KTN1: variants seen among roughly 807,000 people sequenced by gnomAD.
KTN1 encodes kinectin 1, also known as kinectin.
Under a neutral mutation model 222.5 loss-of-function variants are expected in KTN1, and 130 were observed. That is an observed-to-expected ratio of 0.58 (90% CI 0.51 to 0.68). The LOEUF is 0.68. Ranked by LOEUF, KTN1 falls within the 30% of genes least tolerant of loss-of-function variation. KTN1 has a pLI of 0.00. For missense variants in KTN1, 1,508 were observed against 1,500.4 expected (o/e 1.01, Z -0.08); for synonymous variants, 512 against 496.3 (o/e 1.03, Z -0.42).
intron 5 of KTN1, among the ~76,000 whole-genome samples, chr14:55,622,490 T>G (rs2039289004): frequency 6.6e-6 from 1 of 152,228 alleles, no homozygotes. Context: ...TATGTCATAC[T>G]GGGAAAGGTG....
chr14:55,628,109 A>G, intron 6 of KTN1, 81 bp downstream of exon 6: 1 of 847,720 alleles, frequency 1.2e-6, no homozygotes, highest in African/African-American at 1.7e-5. Flanking sequence ...CATAATCAGT[A>G]GTTTAATTAT....
chr14:55,647,555 C>A (rs1478996508), intron 19 of KTN1, among the ~76,000 whole-genome samples: 1 of 145,870 alleles, frequency 6.9e-6, no homozygotes, highest in Non-Finnish European at 1.5e-5. Context: ...ATCACTTGAA[C>A]CTGGGAGGCA....
At chr14:55,677,832 G>A (rs971848487) in intron 41 of KTN1, among the ~76,000 whole-genome samples, 1 of 152,134 alleles carries the variant, frequency 6.6e-6, no homozygotes, top group Non-Finnish European at 1.5e-5. Context: ...CCTAGTAGCT[G>A]GGATTACAGG....
chr14:55,586,876 G>A (rs1357545525), intron 1 of KTN1, among the ~76,000 whole-genome samples: 1 of 152,052 alleles, frequency 6.6e-6, no homozygotes, highest in African/African-American at 2.4e-5. Flanking sequence ...TTCATTTCCT[G>A]CATATGTTCA....
chr14:55,681,458 G>A (rs1335584196), intron 43 of KTN1: 1 of 152,090 alleles, frequency 6.6e-6, no homozygotes, highest in African/African-American at 2.4e-5. Flanking sequence ...CTCATTTTAA[G>A]TCTTGTGAAC....
Position 55,679,671 on chromosome 14 carries a change from A to G in KTN1, c.4055A>G (p.His1352Arg), listed in dbSNP as rs1451365044. The G allele has an allele frequency of 6.2e-7, 1 of 1,613,998 alleles. No homozygotes were observed. The highest frequency in any genetic ancestry group is 8.5e-7 in the Non-Finnish European group (1 of 1,179,882). The part of the protein sequence containing the change: ...VNQQLTKEKE[H>R]YQVLE ...CAACAGCTCACAAAGGAGAAAGAGCACTACCAGGTGTTAGGTAAGGACAAC... is the reference window on the plus strand; with the variant it reads ...CAACAGCTCACAAAGGAGAAAGAGCGCTACCAGGTGTTAGGTAAGGACAAC... The change falls in exon 43 of 44, where the codon CAC becomes CGC. Residue 1352 changes from histidine to arginine, a missense_variant. Physicochemically the swap from His to Arg is conservative, Grantham distance 29. Coordinates refer to ENST00000395314, the MANE Select transcript of KTN1 (RefSeq NM_001079521.2).
intron 1 of KTN1, among the ~76,000 whole-genome samples, chr14:55,580,629 A>C (rs1204784813): frequency 3.3e-5 from 5 of 151,340 alleles, no homozygotes; most frequent in Admixed American, 6.6e-5. Context: ...CTGTCGCGGC[A>C]CCCGGGGCGC....
chr14:55,612,390 A>C lies in KTN1; in HGVS notation c.342A>C (p.Arg114Ser), dbSNP rs2037713332. 1 of 1,613,844 alleles carries C rather than the reference A, an allele frequency of 6.2e-7. No individual in the cohort carries two copies. The highest frequency in any genetic ancestry group is 1.1e-5 in the South Asian group (1 of 91,056). ...AAACTTCAAGTAGTGTTAGGGAAAG[A>C]AAAAAGAAGGAAAAGAAACAAAAGC... ...VVETSSSVRE[R>S]KKKEKKQKPV... is the part of the protein sequence containing the mutation. Residue 114 changes from arginine to serine, a missense_variant, in exon 2 of 44, where the codon AGA becomes AGC. Arg to Ser is a moderately radical substitution (Grantham distance 110). Coordinates refer to ENST00000395314, the MANE Select transcript of KTN1 (RefSeq NM_001079521.2).
intron 3 of KTN1, 49 bp downstream of exon 3, chr14:55,616,703 C>T (rs1566719341): frequency 1.4e-6 from 2 of 1,480,506 alleles, no homozygotes; most frequent in East Asian, 2.3e-5. Flanking sequence ...TAGAGAAGTA[C>T]ACCAGCACAA....
intron 17 of KTN1, 100 bp downstream of exon 17, chr14:55,641,308 T>C (rs1595038848): frequency 2.9e-6 from 2 of 690,030 alleles, no homozygotes; most frequent in East Asian, 5.5e-5. Context: ...GAAGTCACTC[T>C]GAAACAGTGT....
chr14:55,636,578 T>G (rs2041147532), intron 10 of KTN1, 42 bp downstream of exon 10: 1 of 1,480,190 alleles, frequency 6.8e-7, no homozygotes, highest in Non-Finnish European at 9.3e-7. Flanking sequence ...TATATAATTT[T>G]GGGTAAAATT....
At chr14:55,614,521 C>T (rs181444945) in intron 2 of KTN1, among the ~76,000 whole-genome samples, 1 of 152,278 alleles carries the variant, frequency 6.6e-6, no homozygotes, top group Admixed American at 6.5e-5. Flanking sequence ...CTGTGAGCCG[C>T]ATGTAGCCCA....
chr14:55,656,100 A>G lies in KTN1; in HGVS notation c.2860A>G (p.Ser954Gly). The change falls in exon 29 of 44, where the codon AGT (serine) becomes GGT (glycine). Residue 954 changes from serine (S) to glycine (G), a missense_variant. Transcript: ENST00000395314. The stretch of plus-strand genomic sequence containing the variant: ...AGAAGCCATGCTAAAAGAGAGGGAG[A>G]GTGATCTTTCTAGCAAAACACAGCT... ...RLEAMLKERE[S>G]DLSSKTQLLQ... The G allele has an allele frequency of 6.2e-7, 1 of 1,610,362 alleles. No homozygotes were observed. The highest frequency in any genetic ancestry group is 1.1e-5 in the South Asian group (1 of 90,850).
At chr14:55,679,945 G>T in intron 43 of KTN1, 4 of 409,212 alleles carry the variant, frequency 9.8e-6, no homozygotes, top group South Asian at 3.9e-5. Context: ...TGGCTGCCTG[G>T]GTTTTTGTGT....
chr14:55,617,276 A>C (rs952855310), intron 3 of KTN1, among the ~76,000 whole-genome samples: 2 of 152,220 alleles, frequency 1.3e-5, no homozygotes, highest in African/African-American at 4.8e-5. Flanking sequence ...ATAAGTAAAG[A>C]AGCTCTTTTT....
Position 55,675,487 on chromosome 14 carries a change from AC to A in KTN1, c.3772-347del, listed in dbSNP as rs1181889034. On this transcript the variant is annotated intron_variant, in intron 40 of 43. Transcript: ENST00000395314. The stretch of plus-strand genomic sequence containing the variant: ...GTATAGATTAAGAAAGCCTTTAAAA[AC>A]TAACGGGTAAAGTATCTATTTGGCT... 377 of 172,588 alleles carry A rather than the reference AC, an allele frequency of 2.2e-3. 3 individuals are homozygous for A. Among genetic ancestry groups the A allele is most frequent in the African/African-American group, 9.3e-3 (364 of 38,946 alleles). The allele number at this position is 172,588 out of a possible 1,614,324, so 10.7% of individuals were successfully genotyped here.
chr14:55,620,706 C>T (rs113692713), intron 5 of KTN1, among the ~76,000 whole-genome samples: 9,195 of 152,260 alleles, frequency 0.06, 385 homozygotes, highest in South Asian at 0.09. Flanking sequence ...AGGCTACATA[C>T]AGCAGGGGGG....
chr14:55,623,441 G>A (rs746988898), intron 5 of KTN1, among the ~76,000 whole-genome samples: 6 of 152,166 alleles, frequency 3.9e-5, no homozygotes, highest in South Asian at 2.1e-4. Context: ...GTGCTGTGGC[G>A]CAATCTCTGC....
chr14:55,671,934 G>A (rs1165124575), intron 37 of KTN1, 57 bp downstream of exon 37: 2 of 977,004 alleles, frequency 2.0e-6, no homozygotes, highest in African/African-American at 1.6e-5. Flanking sequence ...GCTTGAACCA[G>A]CAGCATCAGC....
Sources: gnomAD v4.1 joint callset for allele counts (sites outside exome capture counted in the v4.1 genomes callset) on GRCh38, gnomAD v4.1.1 for gene constraint, MANE v1.5 for transcripts, NCBI Gene and HGNC (gene_info 2026-07-23, HGNC 2026-07-21) for gene names.